Variants in LPGAT1 observed in about 807,000 individuals in gnomAD.
LPGAT1 encodes the protein lysophosphatidylglycerol acyltransferase 1.
Under a neutral mutation model 47.5 loss-of-function variants are expected in LPGAT1, and 11 were observed. The observed-to-expected ratio is 0.23, with a 90% CI of 0.15 to 0.38. LPGAT1 has a LOEUF of 0.38. LPGAT1 is among the 10% of genes least tolerant of loss of function. The pLI is 1.00. For synonymous variants in LPGAT1, 138 were observed against 144.2 expected (o/e 0.96, Z 0.31); for missense variants, 293 against 439.0 (o/e 0.67, Z 2.97).
At chr1:211,797,028 G>T (rs1435803129) in intron 2 of LPGAT1, among the ~76,000 whole-genome samples, 1 of 152,068 alleles carries the variant, frequency 6.6e-6, no homozygotes, top group African/African-American at 2.4e-5. Flanking sequence ...GGCCAAGGTG[G>T]GTGGATCACT....
intron 2 of LPGAT1, among the ~76,000 whole-genome samples, chr1:211,818,951 A>G (rs923095415): frequency 5.9e-5 from 9 of 152,234 alleles, no homozygotes; most frequent in Non-Finnish European, 1.3e-4. Flanking sequence ...TTTTCAACAG[A>G]CCTCAAAGAA....
chr1:211,806,714 T>C (rs557064521), intron 2 of LPGAT1, among the ~76,000 whole-genome samples: 3 of 152,276 alleles, frequency 2.0e-5, no homozygotes, highest in Non-Finnish European at 4.4e-5. Context: ...ATCATATGAA[T>C]TGACGCAGAA....
chr1:211,754,183 G>C (rs562282489), intron 6 of LPGAT1, among the ~76,000 whole-genome samples: 2 of 152,166 alleles, frequency 1.3e-5, no homozygotes, highest in Non-Finnish European at 2.9e-5. Flanking sequence ...TGCCAGGGTA[G>C]GGAAAAGTAA....
chr1:211,776,208 T>G (rs150850074), intron 6 of LPGAT1, among the ~76,000 whole-genome samples: 122 of 152,298 alleles, frequency 8.0e-4, no homozygotes, highest in African/African-American at 2.8e-3. Flanking sequence ...CAGGATGGAT[T>G]AACTACTTTC....
At chr1:211,826,905 T>C (rs747934268) in intron 2 of LPGAT1, among the ~76,000 whole-genome samples, 1 of 152,130 alleles carries the variant, frequency 6.6e-6, no homozygotes, top group African/African-American at 2.4e-5. Context: ...CACCCTCCTA[T>C]TGATGTAAAG....
chr1:211,791,956 A>T (rs1659141538), intron 3 of LPGAT1, among the ~76,000 whole-genome samples: 1 of 151,074 alleles, frequency 6.6e-6, no homozygotes, highest in Admixed American at 6.6e-5. Context: ...AACTCCATTA[A>T]TTTATACACC....
chr1:211,821,696 A>G (rs1372335267), intron 2 of LPGAT1, among the ~76,000 whole-genome samples: 1 of 152,182 alleles, frequency 6.6e-6, no homozygotes, highest in African/African-American at 2.4e-5. Flanking sequence ...TGGGTGAGGA[A>G]GAAGAGAAAG....
chr1:211,812,366 TTAATG>T (rs1342663891), intron 2 of LPGAT1, among the ~76,000 whole-genome samples: 7 of 152,188 alleles, frequency 4.6e-5, no homozygotes, highest in African/African-American at 1.7e-4. Flanking sequence ...AATAGGATGA[TTAATG>T]TAAGCATATG....
chr1:211,785,226 T>G (rs573162207), intron 4 of LPGAT1, among the ~76,000 whole-genome samples: 1 of 152,316 alleles, frequency 6.6e-6, no homozygotes, highest in Admixed American at 6.5e-5. Context: ...GCAAAACATG[T>G]AAGACATTTT....
intron 5 of LPGAT1, among the ~76,000 whole-genome samples, chr1:211,780,612 GT>G (rs1658602856): frequency 6.6e-6 from 1 of 152,136 alleles, no homozygotes; most frequent in Admixed American, 6.5e-5. Context: ...GAATAACATT[GT>G]GAAGGAGAAA....
chr1:211,763,772 A>C (rs1252618849), intron 6 of LPGAT1, among the ~76,000 whole-genome samples: 2 of 152,156 alleles, frequency 1.3e-5, no homozygotes, highest in African/African-American at 4.8e-5. Flanking sequence ...ATCCTATTTA[A>C]AATTTATTTG....
chr1:211,768,826 T>C (rs1249622659), intron 6 of LPGAT1, among the ~76,000 whole-genome samples: 7 of 152,114 alleles, frequency 4.6e-5, no homozygotes, highest in Admixed American at 4.6e-4. Flanking sequence ...TAAGAGGACA[T>C]TTGAGCAGGC....
At chr1:211,810,089 C>T (rs747830658) in intron 2 of LPGAT1, among the ~76,000 whole-genome samples, 8 of 151,974 alleles carry the variant, frequency 5.3e-5, no homozygotes, top group Non-Finnish European at 8.8e-5. Flanking sequence ...GCAGAAGAAA[C>T]GTAACTCTAT....
chr1:211,815,105 G>T (rs1161169387), intron 2 of LPGAT1, among the ~76,000 whole-genome samples: 1 of 152,124 alleles, frequency 6.6e-6, no homozygotes, highest in Non-Finnish European at 1.5e-5. Context: ...ATATCCCTAG[G>T]TGATAGCAGC....
At chr1:211,782,057 C>T (rs1450725944) in intron 5 of LPGAT1, among the ~76,000 whole-genome samples, 1 of 152,138 alleles carries the variant, frequency 6.6e-6, no homozygotes, top group Non-Finnish European at 1.5e-5. Context: ...TTTCCTTTCA[C>T]GCATTTCCTA....
At chr1:211,800,156 T>A (rs1460386154) in intron 2 of LPGAT1, among the ~76,000 whole-genome samples, 2 of 151,234 alleles carry the variant, frequency 1.3e-5, no homozygotes, top group East Asian at 3.9e-4. Flanking sequence ...TGCCTCAGCC[T>A]CCCGAGTAAC....
intron 6 of LPGAT1, among the ~76,000 whole-genome samples, chr1:211,761,583 C>T (rs1379610693): frequency 1.3e-5 from 2 of 152,166 alleles, no homozygotes; most frequent in Admixed American, 1.3e-4. Context: ...CTTGAATCAC[C>T]AGATTAAGTA....
chr1:211,791,176 C>T (rs1462777782), intron 3 of LPGAT1, among the ~76,000 whole-genome samples: 1 of 152,130 alleles, frequency 6.6e-6, no homozygotes, highest in East Asian at 1.9e-4. Context: ...AAAACAGATT[C>T]TGCAATAATA....
intron 2 of LPGAT1, among the ~76,000 whole-genome samples, chr1:211,802,537 G>A (rs1014557994): frequency 4.0e-5 from 6 of 151,802 alleles, no homozygotes; most frequent in Admixed American, 1.3e-4. Flanking sequence ...AGGACCTGCT[G>A]GAAATTAACA....
Sources: allele counts gnomAD v4.1 joint callset (sites outside exome capture counted in the v4.1 genomes callset), GRCh38; gene constraint gnomAD v4.1.1; transcripts MANE v1.5; gene names NCBI Gene and HGNC (gene_info 2026-07-23, HGNC 2026-07-21).